Variants in TCERG1L observed in about 807,000 individuals in gnomAD.
TCERG1L encodes the protein transcription elongation regulator 1-like protein.
A neutral mutation model predicts 56.3 loss-of-function variants in TCERG1L; 37 were observed. The observed-to-expected ratio is 0.66, with a 90% CI of 0.51 to 0.87. TCERG1L has a LOEUF of 0.87. Among genes scored for constraint, TCERG1L ranks in the 40% least tolerant of loss-of-function variants. The probability of loss-of-function intolerance (pLI) is 0.00; values close to 1 mark genes in which losing one functional copy is unlikely to be tolerated. For missense variants in TCERG1L, 799 were observed against 774.2 expected (o/e 1.03, Z -0.38); for synonymous variants, 324 against 326.3 (o/e 0.99, Z 0.08).
chr10:131,169,922 T>C (rs968483638), intron 4 of TCERG1L, among the ~76,000 whole-genome samples: 15 of 135,418 alleles, frequency 1.1e-4, no homozygotes, highest in African/African-American at 4.4e-4. Flanking sequence ...ATTTTTCATA[T>C]TGAAAACAGT....
chr10:131,216,321 C>A (rs1242690151), intron 4 of TCERG1L, among the ~76,000 whole-genome samples: 1 of 152,142 alleles, frequency 6.6e-6, no homozygotes, highest in East Asian at 1.9e-4. Flanking sequence ...AGCCCATAGG[C>A]ATCACTTTGG....
chr10:131,205,961 A>C (rs1032078886), intron 4 of TCERG1L, among the ~76,000 whole-genome samples: 15 of 152,160 alleles, frequency 9.9e-5, no homozygotes, highest in African/African-American at 3.6e-4. Context: ...ACAGCTTGCC[A>C]TATGAGCAGG....
chr10:131,099,009 T>C (rs1845277987), intron 10 of TCERG1L, among the ~76,000 whole-genome samples: 1 of 152,224 alleles, frequency 6.6e-6, no homozygotes, highest in South Asian at 2.1e-4. Flanking sequence ...TGGGGAGGAC[T>C]CAGGGTGCAT....
chr10:131,235,545 A>G (rs947568275), intron 4 of TCERG1L, among the ~76,000 whole-genome samples: 4 of 152,282 alleles, frequency 2.6e-5, no homozygotes, highest in Non-Finnish European at 4.4e-5. Context: ...GGCAACTACT[A>G]TAATTTAGTA....
At chr10:131,232,849 C>T (rs1183142272) in intron 4 of TCERG1L, among the ~76,000 whole-genome samples, 6 of 152,206 alleles carry the variant, frequency 3.9e-5, no homozygotes, top group Non-Finnish European at 4.4e-5. Context: ...CCACCTGTTT[C>T]CAATCTCTAC....
intron 4 of TCERG1L, among the ~76,000 whole-genome samples, chr10:131,218,489 C>T (rs1003947566): frequency 6.6e-6 from 1 of 151,144 alleles, no homozygotes; most frequent in African/African-American, 2.4e-5. Flanking sequence ...TCCTTTTTTT[C>T]TATTTATTTA....
At chr10:131,283,157 G>T (rs1035784821) in intron 3 of TCERG1L, among the ~76,000 whole-genome samples, 15 of 152,218 alleles carry the variant, frequency 9.9e-5, no homozygotes, top group African/African-American at 3.6e-4. Context: ...TTCTCTGAGA[G>T]GCTCTCCAGC....
chr10:131,268,945 T>C (rs1026028876), intron 3 of TCERG1L, among the ~76,000 whole-genome samples: 2 of 152,242 alleles, frequency 1.3e-5, no homozygotes, highest in African/African-American at 2.4e-5. Context: ...TATCTTTTTA[T>C]TGTTGTTGTT....
chr10:131,311,478 C>T lies in TCERG1L; in HGVS notation c.158G>A (p.Ser53Asn). ...VPGSAGLLRL[S>N]AGVVVPPVLL... ...CACCGGGGGAACCACGACCCCCGCG[C>T]TGAGCCGGAGCAGCCCGGCCGAGCC... The change falls in exon 1 of 12, where the codon AGC becomes AAC. Residue 53 changes from serine to asparagine, a missense_variant. Transcript: ENST00000368642. This position sits in a 1 kb window ranked among gnomAD's most constrained non-coding sequence, Gnocchi z 4.0. The T allele has an allele frequency of 8.4e-7, 1 of 1,188,558 alleles. No homozygotes were observed. Among genetic ancestry groups the T allele is most frequent in the Non-Finnish European group, 1.0e-6 (1 of 961,358 alleles). The allele number at this position is 1,188,558 out of a possible 1,614,324, so 73.6% of individuals were successfully genotyped here.
intron 8 of TCERG1L, among the ~76,000 whole-genome samples, chr10:131,123,103 G>T (rs1845529810): frequency 6.6e-6 from 1 of 152,144 alleles, no homozygotes; most frequent in African/African-American, 2.4e-5. Flanking sequence ...CACCTGCAGG[G>T]TCCTGCTGAG....
intron 4 of TCERG1L, among the ~76,000 whole-genome samples, chr10:131,186,925 G>T (rs1490481371): frequency 6.6e-6 from 1 of 152,236 alleles, no homozygotes; most frequent in African/African-American, 2.4e-5. Context: ...TGATATCAAT[G>T]AAAGAGCTTT....
chr10:131,198,607 G>A (rs116012524), intron 4 of TCERG1L, among the ~76,000 whole-genome samples: 6,651 of 152,322 alleles, frequency 0.044, 164 homozygotes, highest in Middle Eastern at 0.068. Flanking sequence ...CCCCTCCCAT[G>A]CAGCGGTGCT....
chr10:131,291,630 G>T (rs1227177311), intron 3 of TCERG1L, among the ~76,000 whole-genome samples: 1 of 151,286 alleles, frequency 6.6e-6, no homozygotes, highest in Non-Finnish European at 1.5e-5. Context: ...GTTTCACCGT[G>T]TTAGCCAAGG....
intron 4 of TCERG1L, among the ~76,000 whole-genome samples, chr10:131,212,757 T>C (rs558649166): frequency 5.3e-5 from 8 of 152,328 alleles, no homozygotes; most frequent in Middle Eastern, 3.4e-3. Context: ...TGAATGCTAA[T>C]AAGCAACCAC....
rs878892163 is a variant in TCERG1L at position 131,111,261 on chromosome 10, G to A, written c.1395+5538C>T. 3.5e-5 allele frequency among the ~76,000 whole-genome samples: 5 copies of A among 142,204 alleles called. 1 individual carries two copies. Among genetic ancestry groups the A allele is most frequent in the Admixed American group, 6.9e-5 (1 of 14,428 alleles). 93.3% of individuals were successfully genotyped at this position (142,204 alleles called of 152,430 possible). ...GTGTGTCTGTCTGTCTGCACCGTCCGCCCCCACCCACCCTCATGGCTCCCT... is the reference window on the plus strand; with the variant it reads ...GTGTGTCTGTCTGTCTGCACCGTCCACCCCCACCCACCCTCATGGCTCCCT... On this transcript the variant is annotated intron_variant, in intron 9 of 11. Coordinates refer to ENST00000368642, the MANE Select transcript of TCERG1L (RefSeq NM_174937.4).
At chr10:131,310,216 T>C (rs1846870333) in intron 1 of TCERG1L, among the ~76,000 whole-genome samples, 1 of 152,234 alleles carries the variant, frequency 6.6e-6, no homozygotes, top group African/African-American at 2.4e-5. Flanking sequence ...TTAAAAAATG[T>C]AGTTCCTTGA....
At chr10:131,166,168 G>T (rs527312911) in intron 5 of TCERG1L, among the ~76,000 whole-genome samples, 5 of 152,202 alleles carry the variant, frequency 3.3e-5, no homozygotes, top group Admixed American at 1.3e-4. Flanking sequence ...CAGAAAGCTC[G>T]CAGTGTGGCT....
At chr10:131,171,836 G>T (rs1387088223) in intron 4 of TCERG1L, among the ~76,000 whole-genome samples, 6 of 152,214 alleles carry the variant, frequency 3.9e-5, no homozygotes, top group Non-Finnish European at 1.5e-5. Flanking sequence ...CTCCCAAAGT[G>T]CTGGGATTAC....
At chr10:131,284,877 C>T (rs1846502756) in intron 3 of TCERG1L, among the ~76,000 whole-genome samples, 1 of 152,088 alleles carries the variant, frequency 6.6e-6, no homozygotes, top group African/African-American at 2.4e-5. Context: ...CAACTAAATA[C>T]ATTGTATCAG....
Sources: allele counts gnomAD v4.1 joint callset (sites outside exome capture counted in the v4.1 genomes callset), GRCh38; gene constraint gnomAD v4.1.1; non-coding constraint Gnocchi (gnomAD v3.1); transcripts MANE v1.5; gene names NCBI Gene and HGNC (gene_info 2026-07-23, HGNC 2026-07-21).